Variants in CERS6 observed in about 807,000 individuals in gnomAD.
CERS6 encodes the protein LAG1 homolog, ceramide synthase 6.
In CERS6, 26 loss-of-function variants were observed where a neutral mutation model predicts 56.8. That is an observed-to-expected ratio of 0.46 (90% CI 0.34 to 0.63). The LOEUF (loss-of-function observed/expected upper bound fraction) is 0.63, where lower values mean the gene tolerates loss of function less well. CERS6 is among the 30% of genes least tolerant of loss of function. The pLI is 0.01. For missense variants in CERS6, 415 were observed against 467.5 expected, an observed-to-expected ratio of 0.89 and a Z score of 1.04; for synonymous variants, 164 against 173.3, an observed-to-expected ratio of 0.95 and a Z score of 0.42.
At chr2:168,511,887 T>TATCA (rs1694793186) in intron 1 of CERS6, among the ~76,000 whole-genome samples, 1 of 152,170 alleles carries the variant, frequency 6.6e-6, no homozygotes, top group East Asian at 1.9e-4. Context: ...CCCACTTGTC[T>TATCA]ATCAGTGGAT....
chr2:168,614,974 C>T (rs1039340554), intron 3 of CERS6, among the ~76,000 whole-genome samples: 8 of 152,174 alleles, frequency 5.3e-5, no homozygotes, highest in African/African-American at 9.6e-5. Context: ...TCCATTTCAC[C>T]CCCCCTGCCA....
At chr2:168,483,592 G>A (rs918927669) in intron 1 of CERS6, among the ~76,000 whole-genome samples, 8 of 152,142 alleles carry the variant, frequency 5.3e-5, no homozygotes, top group Admixed American at 4.6e-4. Flanking sequence ...GGGAAGCAGG[G>A]ATCAAGAGAT....
At chr2:168,598,519 A>G (rs1683855916) in intron 3 of CERS6, among the ~76,000 whole-genome samples, 1 of 152,158 alleles carries the variant, frequency 6.6e-6, no homozygotes, top group South Asian at 2.1e-4. Context: ...TTACTGGAAT[A>G]TGGGAAATTT....
intron 1 of CERS6, among the ~76,000 whole-genome samples, chr2:168,461,054 T>A (rs537845545): frequency 6.6e-5 from 10 of 152,086 alleles, no homozygotes; most frequent in Non-Finnish European, 1.2e-4. Context: ...AGTGAGTGAA[T>A]GACTACTAGG....
chr2:168,471,556 C>A (rs577944883), intron 1 of CERS6, among the ~76,000 whole-genome samples: 1 of 152,158 alleles, frequency 6.6e-6, no homozygotes, highest in African/African-American at 2.4e-5. Context: ...CAATTTAAAA[C>A]AACTGTTTAT....
chr2:168,550,054 CA>C (rs1236333070), intron 2 of CERS6, among the ~76,000 whole-genome samples: 1 of 152,092 alleles, frequency 6.6e-6, no homozygotes, highest in Non-Finnish European at 1.5e-5. Flanking sequence ...GGGCCCAGTA[CA>C]GAATGAAAAT....
At chr2:168,616,682 A>G (rs149023240) in intron 3 of CERS6, among the ~76,000 whole-genome samples, 66 of 152,330 alleles carry the variant, frequency 4.3e-4, no homozygotes, top group African/African-American at 1.5e-3. Flanking sequence ...CAACAGGAAA[A>G]TGTCACAATT....
chr2:168,683,498 C>G (rs1391498404), intron 4 of CERS6, among the ~76,000 whole-genome samples: 1 of 152,146 alleles, frequency 6.6e-6, no homozygotes, highest in Non-Finnish European at 1.5e-5. Flanking sequence ...AATCATTTCT[C>G]TAAAATGTTT....
intron 4 of CERS6, among the ~76,000 whole-genome samples, chr2:168,657,397 G>C (rs1685507191): frequency 6.6e-6 from 1 of 152,272 alleles, no homozygotes; most frequent in Non-Finnish European, 1.5e-5. Flanking sequence ...CCGCACCGGG[G>C]CTGCAGGTGG....
intron 6 of CERS6, among the ~76,000 whole-genome samples, chr2:168,711,663 G>A (rs979243672): frequency 4.0e-5 from 6 of 150,896 alleles, no homozygotes; most frequent in African/African-American, 1.5e-4. Context: ...GAACCCAGGA[G>A]ACGGAGGTTG....
chr2:168,638,044 A>G (rs940994419), intron 4 of CERS6, among the ~76,000 whole-genome samples: 2 of 147,580 alleles, frequency 1.4e-5, no homozygotes, highest in South Asian at 2.3e-4. Flanking sequence ...AATGGTGAAG[A>G]AATAGAAATG....
intron 3 of CERS6, among the ~76,000 whole-genome samples, chr2:168,613,245 C>T (rs918406884): frequency 4.6e-5 from 7 of 152,164 alleles, no homozygotes; most frequent in Admixed American, 2.6e-4. Flanking sequence ...CAGGTGCCGA[C>T]GTTTGGGTGT....
chr2:168,624,608 C>T (rs1160662790), intron 3 of CERS6, among the ~76,000 whole-genome samples: 3 of 152,104 alleles, frequency 2.0e-5, no homozygotes, highest in Admixed American at 1.3e-4. Context: ...AAATAGGTGA[C>T]ACCCCCCACC....
chr2:168,531,549 C>T (rs1468083291), intron 1 of CERS6, among the ~76,000 whole-genome samples: 1 of 152,104 alleles, frequency 6.6e-6, no homozygotes, highest in African/African-American at 2.4e-5. Context: ...TGTCCGGGTG[C>T]GGTGGCTCAC....
At chr2:168,756,551 T>C (rs1684421372) in intron 8 of CERS6, among the ~76,000 whole-genome samples, 1 of 152,204 alleles carries the variant, frequency 6.6e-6, no homozygotes, top group South Asian at 2.1e-4. Context: ...ATGGGTTATT[T>C]AAGCAGGCAG....
At chr2:168,556,369 G>GA (rs960078008) in intron 2 of CERS6, among the ~76,000 whole-genome samples, 5 of 152,054 alleles carry the variant, frequency 3.3e-5, no homozygotes, top group African/African-American at 1.2e-4. Context: ...GATCTAACGA[G>GA]AAAAATACAT....
In CERS6 at chr2:168,561,098, GA is replaced by G. The variant is rs1167072590; in HGVS notation, c.277-87del. 3.1e-4 allele frequency: 425 copies of G among 1,375,132 alleles called. 1 individual carries two copies. The highest frequency in any genetic ancestry group is 2.6e-4 in the East Asian group (11 of 43,078). 85.2% of individuals were successfully genotyped at this position (1,375,132 alleles called of 1,614,324 possible). On this transcript the variant is annotated intron_variant, in intron 2 of 9. Coordinates refer to ENST00000305747, the MANE Select transcript of CERS6 (RefSeq NM_203463.3). ...AGTAGCAGATAGTAAACAATAGGGG[GA>G]AAAAAACCTCTCAGATATAGACAAG...
At chr2:168,682,464 G>A (rs1406961240) in intron 4 of CERS6, among the ~76,000 whole-genome samples, 1 of 152,108 alleles carries the variant, frequency 6.6e-6, no homozygotes, top group Non-Finnish European at 1.5e-5. Context: ...CTTGTAACCG[G>A]ATCTTAACTT....
intron 4 of CERS6, among the ~76,000 whole-genome samples, chr2:168,682,272 A>T (rs887775783): frequency 6.6e-5 from 10 of 152,234 alleles, no homozygotes; most frequent in African/African-American, 2.4e-4. Context: ...GAAAAATTAT[A>T]GCTATGACAA....
Sources: gnomAD v4.1 joint callset for allele counts (sites outside exome capture counted in the v4.1 genomes callset) on GRCh38, gnomAD v4.1.1 for gene constraint, MANE v1.5 for transcripts, NCBI Gene and HGNC (gene_info 2026-07-23, HGNC 2026-07-21) for gene names.